GLB1: variants seen among roughly 807,000 people sequenced by gnomAD.
The protein encoded by GLB1 is galactosidase beta 1.
Under a neutral mutation model 74.0 loss-of-function variants are expected in GLB1, and 56 were observed. That is an observed-to-expected ratio of 0.76 (90% CI 0.61 to 0.94). The LOEUF is 0.94. Among genes scored for constraint, GLB1 ranks in the 40% least tolerant of loss-of-function variants. The pLI, the probability that GLB1 is intolerant of heterozygous loss-of-function variation, is 0.00. For synonymous variants in GLB1, 323 were observed against 323.6 expected (o/e 1.00, Z 0.02); for missense variants, 787 against 845.5 (o/e 0.93, Z 0.86).
chr3:33,067,427 C>A (rs1699729207), intron 4 of GLB1, among the ~76,000 whole-genome samples: 1 of 149,876 alleles, frequency 6.7e-6, no homozygotes, highest in South Asian at 2.2e-4. Flanking sequence ...GCCTCCCGGA[C>A]TACAGGCATG....
chr3:33,015,038 C>A (rs879326807), intron 14 of GLB1, among the ~76,000 whole-genome samples: 2 of 152,084 alleles, frequency 1.3e-5, no homozygotes, highest in Non-Finnish European at 2.9e-5. Flanking sequence ...CACGTATAGT[C>A]CCAACTACTT....
intron 1 of GLB1, among the ~76,000 whole-genome samples, chr3:33,078,239 G>C (rs1465898793): frequency 1.3e-5 from 2 of 152,140 alleles, no homozygotes; most frequent in African/African-American, 2.4e-5. Flanking sequence ...GAGGGACCCT[G>C]TCTCAAAATA....
At chr3:32,989,949 T>C in the GLB1 span, among the ~76,000 whole-genome samples, 3 of 152,222 alleles carry the variant, frequency 2.0e-5, no homozygotes, top group African/African-American at 7.2e-5. Flanking sequence ...ACTTTATGAA[T>C]GTTATTATTC....
At chr3:33,059,132 GTGGGGTCCC>G (rs1398273762) in intron 5 of GLB1, among the ~76,000 whole-genome samples, 1 of 152,230 alleles carries the variant, frequency 6.6e-6, no homozygotes, top group Non-Finnish European at 1.5e-5. Flanking sequence ...AGTGCTGAGG[GTGGGGTCCC>G]TGCTCTGAAG....
chr3:33,088,478 G>A (rs916147866), intron 1 of GLB1, among the ~76,000 whole-genome samples: 1 of 151,430 alleles, frequency 6.6e-6, no homozygotes, highest in African/African-American at 2.4e-5. Context: ...ACCAAAATCA[G>A]TTGCTTCTCT....
chr3:33,093,263 C>T lies in GLB1; in HGVS notation c.75+3748G>A, dbSNP rs1445370120. 1 of 1,614,006 alleles carries T rather than the reference C, an allele frequency of 6.2e-7. No homozygotes were observed. Among genetic ancestry groups the T allele is most frequent in the Admixed American group, 1.7e-5 (1 of 60,000 alleles). ...CACTGCCACCACCACCACGTTGGGC[C>T]CGTGTGGCGGAAATCTTCACGTTCT... On this transcript the variant is annotated intron_variant, in intron 1 of 15. Coordinates refer to ENST00000307363, the MANE Select transcript of GLB1 (RefSeq NM_000404.4). This position sits in a 1 kb window ranked among gnomAD's most constrained non-coding sequence, Gnocchi z 6.0.
intron 10 of GLB1, among the ~76,000 whole-genome samples, chr3:33,043,870 A>G (rs913470995): frequency 2.6e-5 from 2 of 77,868 alleles, no homozygotes; most frequent in Non-Finnish European, 6.2e-5. Context: ...AAAGGCTTCC[A>G]GGCAAAAAGC....
chr3:32,999,042 G>A (rs1035533735), intron 15 of GLB1, among the ~76,000 whole-genome samples: 5 of 152,212 alleles, frequency 3.3e-5, no homozygotes, highest in African/African-American at 1.2e-4. Context: ...TGTGTGGCCT[G>A]TAAGCGGTAG....
chr3:32,970,528 A>G, the GLB1 span, among the ~76,000 whole-genome samples: 1 of 152,124 alleles, frequency 6.6e-6, no homozygotes, highest in African/African-American at 2.4e-5. Flanking sequence ...AGACTTGTAT[A>G]CTCTTTCAAA....
rs2125577338 is a variant in GLB1 at position 33,087,956 on chromosome 3, A to G, written c.75+9055T>C. Among the ~76,000 whole-genome samples the G allele has an allele frequency of 2.0e-5, 3 of 152,340 alleles. No individual in the cohort carries two copies. The South Asian group carries it at 6.2e-4, about 32-fold the overall frequency. On this transcript the variant is annotated intron_variant, in intron 1 of 15. Transcript: ENST00000307363. Reference sequence around the variant, plus strand: ...CTAAAATGCAAGAATGGTTTAACATATAAAAATCAATCAATATAATACACC... The same window carrying G: ...CTAAAATGCAAGAATGGTTTAACATGTAAAAATCAATCAATATAATACACC...
intron 10 of GLB1, among the ~76,000 whole-genome samples, chr3:33,037,662 G>A (rs1394185784): frequency 6.6e-6 from 1 of 152,066 alleles, no homozygotes; most frequent in Non-Finnish European, 1.5e-5. Context: ...AAAACTAATA[G>A]AATGGCAGAA....
intron 11 of GLB1, among the ~76,000 whole-genome samples, chr3:33,023,194 C>T (rs986092275): frequency 6.6e-6 from 1 of 152,118 alleles, no homozygotes; most frequent in East Asian, 1.9e-4. Flanking sequence ...TTGTTTTGAA[C>T]ATTTGGAGCT....
chr3:33,066,798 G>A (rs1699701124), intron 4 of GLB1, among the ~76,000 whole-genome samples: 1 of 152,042 alleles, frequency 6.6e-6, no homozygotes. Flanking sequence ...GCCACATAAA[G>A]TTGGCATAAA....
In GLB1 at chr3:33,031,640, AATATATATATATATAT is replaced by A. The variant is rs59839075; in HGVS notation, c.1069-7331_1069-7316del. ...AAAAAAAAAAAAAAAAAAAAAAAAA[AATATATATATATATAT>A]ATATATATATATATATATAATCTCC... On this transcript the variant is annotated intron_variant, in intron 10 of 15. Transcript: ENST00000307363. Among the ~76,000 whole-genome samples, 129 of 35,776 alleles carry A rather than the reference AATATATATATATATAT, an allele frequency of 3.6e-3. 2 individuals carry two copies. The highest frequency in any genetic ancestry group is 0.01 in the African/African-American group (107 of 10,296). 23.5% of individuals were successfully genotyped at this position (35,776 alleles called of 152,430 possible).
intron 1 of GLB1, chr3:33,092,612 C>T: frequency 7.4e-7 from 1 of 1,359,302 alleles, no homozygotes; most frequent in Non-Finnish European, 9.5e-7. Flanking sequence ...AGTGATCTCA[C>T]AAGTGCATCA....
chr3:33,027,458 A>G (rs1239498251), intron 10 of GLB1, among the ~76,000 whole-genome samples: 1 of 152,228 alleles, frequency 6.6e-6, no homozygotes, highest in South Asian at 2.1e-4. Context: ...GCCCGAGCAA[A>G]ACTCGGGCAA....
At chr3:33,001,893 A>G (rs1696587707) in intron 15 of GLB1, among the ~76,000 whole-genome samples, 1 of 152,236 alleles carries the variant, frequency 6.6e-6, no homozygotes, top group African/African-American at 2.4e-5. Flanking sequence ...ATTAGAACCA[A>G]TGAAAAACAC....
chr3:33,061,433 A>C (rs1699438659), intron 5 of GLB1, among the ~76,000 whole-genome samples: 2 of 151,990 alleles, frequency 1.3e-5, no homozygotes. Flanking sequence ...ACAAAAAACC[A>C]CCAGAGAGTA....
chr3:32,983,458 G>T, the GLB1 span, among the ~76,000 whole-genome samples: 5 of 151,920 alleles, frequency 3.3e-5, no homozygotes. Context: ...TTGTTCTTTT[G>T]CAAATCTATG....
Sources: gnomAD v4.1 joint callset for allele counts (sites outside exome capture counted in the v4.1 genomes callset) on GRCh38, gnomAD v4.1.1 for gene constraint, Gnocchi (gnomAD v3.1) non-coding constraint, MANE v1.5 for transcripts, NCBI Gene and HGNC (gene_info 2026-07-23, HGNC 2026-07-21) for gene names.